ATG4C: variants seen among roughly 807,000 people sequenced by gnomAD.
ATG4C encodes the protein cysteine protease ATG4C.
In ATG4C, 56 loss-of-function variants were observed where a neutral mutation model predicts 57.6. The observed-to-expected ratio is 0.97, with a 90% CI of 0.78 to 1.21. ATG4C has a LOEUF of 1.21. ATG4C is among the 50% of genes most tolerant of loss of function. ATG4C has a pLI of 0.00. For missense variants in ATG4C, 595 were observed against 529.8 expected, an observed-to-expected ratio of 1.12 and a Z score of -1.21; for synonymous variants, 157 against 174.1, an observed-to-expected ratio of 0.90 and a Z score of 0.78.
Position 62,792,185 on chromosome 1 carries a change from C to T in ATG4C, c.-69+7912C>T, listed in dbSNP as rs915507912. 2.6e-5 allele frequency among the ~76,000 whole-genome samples: 4 copies of T among 152,066 alleles called. No homozygotes were observed. The East Asian group carries it at 7.7e-4, about 29-fold the overall frequency. Reference sequence around the variant, plus strand: ...CTAATTTTTGTATTTTTAGTAGAGACAGGGTTTCACCAACTTGGCCAGGAT... The same window carrying T: ...CTAATTTTTGTATTTTTAGTAGAGATAGGGTTTCACCAACTTGGCCAGGAT... On this transcript the variant is annotated intron_variant, in intron 1 of 10. Coordinates refer to ENST00000317868, the MANE Select transcript of ATG4C (RefSeq NM_032852.4).
chr1:62,821,055 G>C, intron 5 of ATG4C, 84 bp from the exon 6 acceptor site: 1 of 1,048,884 alleles, frequency 9.5e-7, no homozygotes, highest in Non-Finnish European at 1.4e-6. Flanking sequence ...AAAACTGCTG[G>C]CATTTTTTCC....
chr1:62,841,290 G>A (rs776100558), intron 9 of ATG4C, 138 bp from the exon 10 acceptor site: 38 of 696,570 alleles, frequency 5.5e-5, no homozygotes, highest in East Asian at 1.5e-4. Flanking sequence ...GACCATCTGC[G>A]TAGGATGAAC....
In ATG4C at chr1:62,847,982, A is replaced by G. The variant is rs765016215; in HGVS notation, c.1209+6435A>G. Among the ~76,000 whole-genome samples the G allele has an allele frequency of 5.9e-4, 90 of 152,274 alleles. 1 individual carries two copies. The highest frequency in any genetic ancestry group is 4.3e-4 in the Non-Finnish European group (29 of 68,016). On this transcript the variant is annotated intron_variant, in intron 10 of 10. Transcript: ENST00000317868. The stretch of plus-strand genomic sequence containing the variant: ...TATTTAACACTGTGTCTAATCTTCT[A>G]TTAATAATCTTCCTCCCTACCTCCC...
chr1:62,821,332 T>A, intron 6 of ATG4C, 123 bp downstream of exon 6: 1 of 508,666 alleles, frequency 2.0e-6, no homozygotes, highest in Non-Finnish European at 3.3e-6. Flanking sequence ...TACATTTTTG[T>A]TCCTAAATGT....
chr1:62,861,576 AACACACACACACACACACACACAC>A (rs57225222), intron 10 of ATG4C, among the ~76,000 whole-genome samples: 3 of 133,460 alleles, frequency 2.2e-5, no homozygotes, highest in Non-Finnish European at 4.7e-5. Context: ...TGGAAAATAG[AACACACACACACACACACACACAC>A]ACACACACAC....
intron 10 of ATG4C, among the ~76,000 whole-genome samples, chr1:62,845,297 G>A (rs1666294522): frequency 6.6e-6 from 1 of 152,044 alleles, no homozygotes; most frequent in Non-Finnish European, 1.5e-5. Context: ...TCGTGGATAT[G>A]AATAGTACCT....
intron 7 of ATG4C, among the ~76,000 whole-genome samples, chr1:62,829,409 G>T (rs916608243): frequency 8.6e-5 from 13 of 152,044 alleles, no homozygotes; most frequent in African/African-American, 3.1e-4. Context: ...TAGCTAATCA[G>T]GGAGACACAG....
intron 1 of ATG4C, among the ~76,000 whole-genome samples, chr1:62,797,589 A>G (rs1023148915): frequency 3.3e-5 from 5 of 151,680 alleles, no homozygotes; most frequent in Admixed American, 2.6e-4. Context: ...TCTTTTTCCA[A>G]TTGCCTTTTT....
chr1:62,856,985 C>T (rs1373404179), intron 10 of ATG4C, among the ~76,000 whole-genome samples: 2 of 152,148 alleles, frequency 1.3e-5, no homozygotes, highest in African/African-American at 4.8e-5. Flanking sequence ...GCAAGCCACG[C>T]TGGCTTGCTT....
At chr1:62,841,833 A>G in intron 10 of ATG4C, among the ~76,000 whole-genome samples, 1 of 152,250 alleles carries the variant, frequency 6.6e-6, no homozygotes, top group East Asian at 1.9e-4. Flanking sequence ...ATTAGGTTAT[A>G]TTCTATTTGA....
At chr1:62,826,067 C>A (rs1327284935) in intron 6 of ATG4C, among the ~76,000 whole-genome samples, 2 of 151,850 alleles carry the variant, frequency 1.3e-5, no homozygotes, top group Admixed American at 1.3e-4. Context: ...GCCACCATGC[C>A]CGGCTAATTT....
chr1:62,821,064 C>T (rs891575478), intron 5 of ATG4C, 75 bp from the exon 6 acceptor site: 2 of 1,200,250 alleles, frequency 1.7e-6, no homozygotes, highest in Admixed American at 4.9e-5. Flanking sequence ...GGCATTTTTT[C>T]CTTCTTAAAT....
chr1:62,785,931 C>T (rs1428327338), intron 1 of ATG4C, among the ~76,000 whole-genome samples: 1 of 151,878 alleles, frequency 6.6e-6, no homozygotes, highest in East Asian at 1.9e-4. Context: ...TAATATTTTT[C>T]CTGAGATTTT....
At chr1:62,863,879 T>C in intron 10 of ATG4C, 113 bp from the exon 11 acceptor site, 1 of 712,402 alleles carries the variant, frequency 1.4e-6, no homozygotes, top group Non-Finnish European at 2.2e-6. Flanking sequence ...TGGGTGAATG[T>C]AAATGAAAGA....
intron 9 of ATG4C, among the ~76,000 whole-genome samples, chr1:62,839,172 C>A (rs1489019991): frequency 6.6e-6 from 1 of 152,218 alleles, no homozygotes; most frequent in Non-Finnish European, 1.5e-5. Flanking sequence ...AATTCTCCCA[C>A]CTAAGCCTCC....
At chr1:62,853,742 G>A (rs369738350) in intron 10 of ATG4C, among the ~76,000 whole-genome samples, 61 of 152,176 alleles carry the variant, frequency 4.0e-4, no homozygotes, top group African/African-American at 1.3e-3. Flanking sequence ...CACTGTACCC[G>A]GCCAGTTACA....
intron 3 of ATG4C, 115 bp downstream of exon 3, chr1:62,805,370 A>T (rs1408967018): frequency 8.5e-6 from 11 of 1,296,524 alleles, no homozygotes; most frequent in Non-Finnish European, 9.9e-6. Flanking sequence ...AAGTATTTGT[A>T]TTTCTTATAG....
chr1:62,850,671 C>T (rs1249408498), intron 10 of ATG4C, among the ~76,000 whole-genome samples: 1 of 151,844 alleles, frequency 6.6e-6, no homozygotes, highest in Non-Finnish European at 1.5e-5. Flanking sequence ...TACAGATATT[C>T]TCATGGTTCT....
intron 10 of ATG4C, among the ~76,000 whole-genome samples, chr1:62,861,840 C>G (rs1666869043): frequency 6.6e-6 from 1 of 152,062 alleles, no homozygotes; most frequent in African/African-American, 2.4e-5. Flanking sequence ...TATAGTATCT[C>G]CATGTCACAT....
Sources: allele counts gnomAD v4.1 joint callset (sites outside exome capture counted in the v4.1 genomes callset), GRCh38; gene constraint gnomAD v4.1.1; transcripts MANE v1.5; gene names NCBI Gene and HGNC (gene_info 2026-07-23, HGNC 2026-07-21).